The following EPG5 variants were observed in gnomAD, a reference collection of about 807,000 sequenced individuals.
EPG5 encodes the protein ectopic P-granules 5 autophagy tethering factor, also known as ectopic P granules protein 5 homolog.
Under a neutral mutation model 302.7 loss-of-function variants are expected in EPG5, and 159 were observed. The observed-to-expected ratio is 0.53, with a 90% CI of 0.46 to 0.60. The LOEUF (loss-of-function observed/expected upper bound fraction) is 0.60. Ranked by LOEUF, EPG5 falls within the 20% of genes least tolerant of loss-of-function variation. EPG5 has a pLI of 0.00. For missense variants in EPG5, 2,896 were observed against 3,092.4 expected (o/e 0.94, Z 1.51); for synonymous variants, 1,158 against 1,136.8 (o/e 1.02, Z -0.37).
the EPG5 span, among the ~76,000 whole-genome samples, chr18:45,816,211 C>A: frequency 6.6e-6 from 1 of 152,116 alleles, no homozygotes; most frequent in East Asian, 1.9e-4. Flanking sequence ...TGGAAAAACT[C>A]GTCTAGACAT....
At chr18:45,930,380 G>A (rs1044558462) in intron 12 of EPG5, among the ~76,000 whole-genome samples, 2 of 152,126 alleles carry the variant, frequency 1.3e-5, no homozygotes, top group African/African-American at 4.8e-5. Flanking sequence ...GAAGGGGTGG[G>A]GGCGAGGGAA....
At chr18:45,939,446 A>G (rs1824756940) in intron 10 of EPG5, among the ~76,000 whole-genome samples, 154 bp downstream of exon 10, 2 of 152,198 alleles carry the variant, frequency 1.3e-5, no homozygotes, top group South Asian at 4.1e-4. Flanking sequence ...ACTACAGATA[A>G]GGAAACCAAG....
chr18:45,944,273 G>C (rs558721654), intron 7 of EPG5, among the ~76,000 whole-genome samples, 154 bp from the exon 8 acceptor site: 2 of 152,160 alleles, frequency 1.3e-5, no homozygotes, highest in African/African-American at 4.8e-5. Context: ...GCAATTTATA[G>C]TATCAGTTCC....
At chr18:45,894,590 A>G (rs1599512569) in intron 27 of EPG5, among the ~76,000 whole-genome samples, 2 of 152,200 alleles carry the variant, frequency 1.3e-5, no homozygotes, top group East Asian at 3.9e-4. Flanking sequence ...GGGAAAGAAC[A>G]TCTCAATTCG....
chr18:45,965,091 A>T (rs900780649), intron 1 of EPG5, among the ~76,000 whole-genome samples: 2 of 152,214 alleles, frequency 1.3e-5, no homozygotes, highest in Admixed American at 1.3e-4. Flanking sequence ...AAACGTGGTA[A>T]ATACTCAGCA....
chr18:45,894,136 G>T (rs2049415173), intron 27 of EPG5, among the ~76,000 whole-genome samples: 1 of 152,040 alleles, frequency 6.6e-6, no homozygotes, highest in African/African-American at 2.4e-5. Context: ...TACAAATAAG[G>T]ATGCTTCCTT....
chr18:45,912,397 A>G lies in EPG5; in HGVS notation c.3876T>C (p.Tyr1292=). ...TGACCAGAGCCTGGTGGGCCCAGCGATAAATCAGCAGCCTCTGGAGGGATG... is the reference window on the plus strand; with the variant it reads ...TGACCAGAGCCTGGTGGGCCCAGCGGTAAATCAGCAGCCTCTGGAGGGATG... ...IVPSLQRLLI[Y]RWAHQALVTP... The change falls in exon 22 of 44, where the codon TAT becomes TAC. Residue 1292 remains tyrosine (Y), a synonymous_variant. Transcript: ENST00000282041. 1.9e-6 allele frequency: 3 copies of G among 1,611,206 alleles called. No homozygotes were observed. Among genetic ancestry groups the G allele is most frequent in the Non-Finnish European group, 1.7e-6 (2 of 1,179,056 alleles).
chr18:45,919,514 G>A (rs1365116693), intron 16 of EPG5, among the ~76,000 whole-genome samples: 4 of 139,866 alleles, frequency 2.9e-5, no homozygotes, highest in Admixed American at 7.1e-5. Flanking sequence ...TACATGTGTG[G>A]TTTTTTTTTT....
intron 21 of EPG5, 122 bp downstream of exon 21, chr18:45,913,584 G>C (rs957516474): frequency 8.1e-7 from 1 of 1,228,224 alleles, no homozygotes; most frequent in Non-Finnish European, 1.2e-6. Context: ...TGGTTTGGTT[G>C]TTGAGCTTTC....
chr18:45,927,630 A>ACG (rs1555676842), intron 13 of EPG5, among the ~76,000 whole-genome samples: 22 of 151,494 alleles, frequency 1.5e-4, no homozygotes, highest in Non-Finnish European at 2.4e-4. Context: ...ACACACACAC[A>ACG]CACGCACCAA....
chr18:45,935,518 G>C (rs2050502299), intron 10 of EPG5, among the ~76,000 whole-genome samples: 1 of 152,114 alleles, frequency 6.6e-6, no homozygotes, highest in Non-Finnish European at 1.5e-5. Context: ...CTCCAGCCTG[G>C]GCAACACGAG....
Position 45,955,346 on chromosome 18 carries a change from C to A in EPG5, c.64-8G>T. ...TTCATACTTCTTCTTTTCCTAAAAACAACATACATAATGTGAAATAATTTA... is the reference window on the plus strand; with the variant it reads ...TTCATACTTCTTCTTTTCCTAAAAAAAACATACATAATGTGAAATAATTTA... On this transcript the variant is annotated splice_polypyrimidine_tract_variant and splice_region_variant and intron_variant, in intron 1 of 43. Transcript: ENST00000282041. 1 of 1,504,778 alleles carries A rather than the reference C, an allele frequency of 6.6e-7. No individual in the cohort carries two copies. The highest frequency in any genetic ancestry group is 8.9e-7 in the Non-Finnish European group (1 of 1,117,640). The allele number at this position is 1,504,778 out of a possible 1,614,324, so 93.2% of individuals were successfully genotyped here.
At chr18:45,915,689 A>G (rs1299900247) in intron 19 of EPG5, 68 bp from the exon 20 acceptor site, 1 of 1,173,806 alleles carries the variant, frequency 8.5e-7, no homozygotes, top group Non-Finnish European at 1.3e-6. Flanking sequence ...CCTTTACAAG[A>G]GTATCAGCAA....
At chr18:45,838,443 A>T in the EPG5 span, 1 of 519,130 alleles carries the variant, frequency 1.9e-6, no homozygotes, top group Non-Finnish European at 3.3e-6. Context: ...GGGAGCCGGG[A>T]CCTAGTCCAA....
intron 27 of EPG5, among the ~76,000 whole-genome samples, chr18:45,893,150 C>T (rs2049388070): frequency 6.6e-6 from 1 of 152,150 alleles, no homozygotes; most frequent in Non-Finnish European, 1.5e-5. Flanking sequence ...AAGTAGGGGT[C>T]TTGAATTTAG....
rs1305291509 is a variant in EPG5 at position 45,866,197 on chromosome 18, G to A, written c.6622-438C>T. 3.4e-5 allele frequency among the ~76,000 whole-genome samples: 5 copies of A among 148,526 alleles called. No individual in the cohort carries two copies. The Admixed American group carries it at 3.4e-4, about 10-fold the overall frequency. The stretch of plus-strand genomic sequence containing the variant: ...TGCAGTGGTGCGATCTCGGCTCACT[G>A]CAACCTCCTCCTCCTGGGTTCAAGC... On this transcript the variant is annotated intron_variant, in intron 38 of 43. Transcript: ENST00000282041.
chr18:45,858,902 T>A (rs1452284780), intron 40 of EPG5, 120 bp from the exon 41 acceptor site: 1 of 717,272 alleles, frequency 1.4e-6, no homozygotes, highest in Admixed American at 2.7e-5. Context: ...ACCTATGAGA[T>A]AATAAGCTTC....
At chr18:45,952,303 G>A (rs1280969084) in intron 3 of EPG5, 97 bp downstream of exon 3, 1 of 1,442,376 alleles carries the variant, frequency 6.9e-7, no homozygotes, top group Admixed American at 2.0e-5. Context: ...ATGGTACCTT[G>A]TAAGACCAAT....
At chr18:45,903,531 T>A (rs747899229) in intron 25 of EPG5, among the ~76,000 whole-genome samples, 4 of 152,238 alleles carry the variant, frequency 2.6e-5, no homozygotes, top group Non-Finnish European at 5.9e-5. Context: ...CAATGATATG[T>A]CCTATATTTT....
Sources: allele counts gnomAD v4.1 joint callset (sites outside exome capture counted in the v4.1 genomes callset), GRCh38; gene constraint gnomAD v4.1.1; transcripts MANE v1.5; gene names NCBI Gene and HGNC (gene_info 2026-07-23, HGNC 2026-07-21).